Variants in PRR16 observed in about 807,000 individuals in gnomAD.
PRR16 encodes the protein protein Largen.
PRR16 carries 6 observed loss-of-function variants against 18.2 expected under a neutral mutation model. The observed-to-expected ratio is 0.33, with a 90% CI of 0.18 to 0.65. The LOEUF is 0.65. PRR16 is among the 30% of genes least tolerant of loss of function. The pLI is 0.74. For synonymous variants in PRR16, 151 were observed against 147.8 expected, an observed-to-expected ratio of 1.02 and a Z score of -0.16; for missense variants, 412 against 376.6, an observed-to-expected ratio of 1.09 and a Z score of -0.78.
At chr5:120,472,831 T>C (rs1231973564) in intron 1 of PRR16, among the ~76,000 whole-genome samples, 1 of 152,034 alleles carries the variant, frequency 6.6e-6, no homozygotes, top group Non-Finnish European at 1.5e-5. Context: ...AGCTGTAGAA[T>C]GCTTGTGTGT....
the PRR16 span, among the ~76,000 whole-genome samples, chr5:120,754,045 A>G: frequency 8.0e-6 from 1 of 125,162 alleles, no homozygotes; most frequent in African/African-American, 3.0e-5. Flanking sequence ...TCAGTATCGT[A>G]TTCATCTGCT....
intron 1 of PRR16, among the ~76,000 whole-genome samples, chr5:120,615,538 A>AT (rs938212611): frequency 2.2e-4 from 33 of 151,804 alleles, no homozygotes; most frequent in Non-Finnish European, 3.7e-4. Context: ...TGAATGTCTA[A>AT]TTTTTTTAAT....
chr5:120,516,601 G>A (rs1373801600), intron 1 of PRR16, among the ~76,000 whole-genome samples: 1 of 151,928 alleles, frequency 6.6e-6, no homozygotes, highest in Non-Finnish European at 1.5e-5. Context: ...TATGAATGCT[G>A]CAGAGAAAAG....
intron 1 of PRR16, among the ~76,000 whole-genome samples, chr5:120,657,892 C>T (rs1036267793): frequency 8.6e-5 from 13 of 151,836 alleles, no homozygotes; most frequent in Admixed American, 5.9e-4. Context: ...GTGTGATTGT[C>T]GCCATATGGG....
the PRR16 span, among the ~76,000 whole-genome samples, chr5:120,735,661 T>TC: frequency 2.9e-4 from 15 of 51,308 alleles, no homozygotes; most frequent in South Asian, 0.018. Context: ...TTTACTCATA[T>TC]TTTTGTTGTT....
At chr5:120,793,085 G>A in the PRR16 span, among the ~76,000 whole-genome samples, 1 of 152,140 alleles carries the variant, frequency 6.6e-6, no homozygotes, top group African/African-American at 2.4e-5. Context: ...CCAGGAGAAG[G>A]AGTTTGCAGC....
chr5:120,539,834 G>GTTT lies in PRR16; in HGVS notation c.159+75196_159+75198dup, dbSNP rs75029437. 2.8e-3 allele frequency among the ~76,000 whole-genome samples: 419 copies of GTTT among 151,478 alleles called. 1 individual carries two copies. The highest frequency in any genetic ancestry group is 9.1e-3 in the African/African-American group (374 of 41,280). On this transcript the variant is annotated intron_variant, in intron 1 of 1. Coordinates refer to ENST00000407149, the MANE Select transcript of PRR16 (RefSeq NM_001300783.2). Reference sequence around the variant, plus strand: ...GTGAAAAACACTGTATGAATATTAGGTTTTTTTTTCTTTTTTTTGGATGAG... The same window carrying GTTT: ...GTGAAAAACACTGTATGAATATTAGGTTTTTTTTTTTTCTTTTTTTTGGATGAG...
chr5:120,592,774 C>T (rs1050402149), intron 1 of PRR16, among the ~76,000 whole-genome samples: 8 of 151,968 alleles, frequency 5.3e-5, no homozygotes, highest in Admixed American at 1.3e-4. Flanking sequence ...AGAAGAATTT[C>T]ATTACATTAT....
intron 1 of PRR16, among the ~76,000 whole-genome samples, chr5:120,634,972 A>C (rs1239885308): frequency 1.3e-5 from 2 of 152,176 alleles, no homozygotes; most frequent in Non-Finnish European, 2.9e-5. Flanking sequence ...AAAATATGCA[A>C]GGCTACTATG....
chr5:120,570,834 C>T (rs116565831), intron 1 of PRR16, among the ~76,000 whole-genome samples: 6,641 of 151,760 alleles, frequency 0.044, 149 homozygotes, highest in African/African-American at 0.057. Context: ...TTAAAAACAA[C>T]TAAGGTTTAA....
At chr5:120,534,631 T>A (rs1751657502) in intron 1 of PRR16, among the ~76,000 whole-genome samples, 1 of 152,176 alleles carries the variant, frequency 6.6e-6, no homozygotes, top group Admixed American at 6.5e-5. Flanking sequence ...ATCTCTGACC[T>A]TTTTCTTCTC....
At chr5:120,689,169 T>C (rs568593192), downstream of PRR16, among the ~76,000 whole-genome samples, 1 of 152,196 alleles carries the variant, frequency 6.6e-6, no homozygotes, top group Non-Finnish European at 1.5e-5. Flanking sequence ...TTAGGACTTA[T>C]TTTGAATTTA....
chr5:120,729,535 T>G, the PRR16 span, among the ~76,000 whole-genome samples: 1 of 152,180 alleles, frequency 6.6e-6, no homozygotes, highest in Admixed American at 6.6e-5. Flanking sequence ...GTCCTTCATT[T>G]ACTAGGGTTT....
intron 1 of PRR16, among the ~76,000 whole-genome samples, chr5:120,624,680 A>G (rs977833099): frequency 6.6e-6 from 1 of 152,164 alleles, no homozygotes; most frequent in African/African-American, 2.4e-5. Context: ...CTACTTTTAA[A>G]GTATTAAGAA....
chr5:120,573,956 A>G (rs1447313138), intron 1 of PRR16, among the ~76,000 whole-genome samples: 1 of 152,006 alleles, frequency 6.6e-6, no homozygotes, highest in Non-Finnish European at 1.5e-5. Context: ...GTATAAATTA[A>G]TGATATAATT....
At chr5:120,656,338 C>T (rs969296559) in intron 1 of PRR16, among the ~76,000 whole-genome samples, 7 of 151,620 alleles carry the variant, frequency 4.6e-5, no homozygotes, top group Non-Finnish European at 1.0e-4. Flanking sequence ...CTTATAGCAC[C>T]TCTCTTCTTA....
intron 1 of PRR16, among the ~76,000 whole-genome samples, chr5:120,564,741 C>T (rs957925078): frequency 6.6e-6 from 1 of 152,110 alleles, no homozygotes; most frequent in Non-Finnish European, 1.5e-5. Flanking sequence ...AATCCCAGCC[C>T]TCTGGGAGGC....
At chr5:120,749,332 A>G in the PRR16 span, among the ~76,000 whole-genome samples, 7 of 152,234 alleles carry the variant, frequency 4.6e-5, no homozygotes, top group East Asian at 1.4e-3. Context: ...TATATCAAGT[A>G]AGACAAAATT....
At chr5:120,712,296 T>G in the PRR16 span, among the ~76,000 whole-genome samples, 8 of 152,250 alleles carry the variant, frequency 5.3e-5, no homozygotes, top group Middle Eastern at 3.4e-3. Flanking sequence ...TACAATACTA[T>G]TAACTATGGT....
Sources: allele counts gnomAD v4.1 joint callset (sites outside exome capture counted in the v4.1 genomes callset), GRCh38; gene constraint gnomAD v4.1.1; transcripts MANE v1.5; gene names NCBI Gene and HGNC (gene_info 2026-07-23, HGNC 2026-07-21).